Variants in GNA12 observed in about 807,000 individuals in gnomAD.
GNA12 encodes the protein G protein subunit alpha 12.
A neutral mutation model predicts 26.0 loss-of-function variants in GNA12; 9 were observed. The ratio of observed to expected loss-of-function variants is 0.35; its 90% CI spans 0.21 to 0.60. The LOEUF (loss-of-function observed/expected upper bound fraction) is 0.60. Ranked by LOEUF, GNA12 falls within the 20% of genes least tolerant of loss-of-function variation. The pLI is 0.78. For synonymous variants in GNA12, 264 were observed against 219.6 expected (o/e 1.20, Z -1.79); for missense variants, 405 against 525.8 (o/e 0.77, Z 2.25).
At chr7:2,761,219 C>T (rs1030362530) in intron 2 of GNA12, among the ~76,000 whole-genome samples, 3 of 152,282 alleles carry the variant, frequency 2.0e-5, no homozygotes, top group South Asian at 2.1e-4. Flanking sequence ...ACAGCAGCCC[C>T]GGCTCTGCTA....
chr7:2,752,923 G>C (rs1420423845), intron 2 of GNA12, among the ~76,000 whole-genome samples: 1 of 152,162 alleles, frequency 6.6e-6, no homozygotes, highest in Non-Finnish European at 1.5e-5. Context: ...CACCTGTCTA[G>C]ATTTGTGTAA....
intron 1 of GNA12, among the ~76,000 whole-genome samples, chr7:2,821,112 G>A (rs1300378335): frequency 6.6e-6 from 1 of 152,210 alleles, no homozygotes; most frequent in Non-Finnish European, 1.5e-5. Context: ...TGTTGTCTAG[G>A]TGAAAGATGC....
At chr7:2,808,497 C>T (rs1419349981) in intron 1 of GNA12, among the ~76,000 whole-genome samples, 1 of 152,166 alleles carries the variant, frequency 6.6e-6, no homozygotes, top group East Asian at 1.9e-4. Flanking sequence ...ATCCTGTGGG[C>T]CTGAATTTGG....
intron 2 of GNA12, among the ~76,000 whole-genome samples, chr7:2,745,145 T>C (rs992992404): frequency 6.6e-6 from 1 of 152,096 alleles, no homozygotes; most frequent in Non-Finnish European, 1.5e-5. Flanking sequence ...CAGGCCAACA[T>C]TCAAAATCAG....
intron 2 of GNA12, chr7:2,764,851 G>A (rs1177508082): frequency 2.0e-5 from 3 of 152,158 alleles, no homozygotes; most frequent in Admixed American, 6.5e-5. Flanking sequence ...GCGCCGCCTC[G>A]TCCTCTTAGT....
rs1197007962 is a variant in GNA12 at position 2,844,207 on chromosome 7, G to A, written c.-46C>T. The A allele has an allele frequency of 1.8e-5, 17 of 925,726 alleles. No individual in the cohort carries two copies. Among genetic ancestry groups the A allele is most frequent in the Non-Finnish European group, 2.1e-5 (16 of 777,746 alleles). 57.3% of individuals were successfully genotyped at this position (925,726 alleles called of 1,614,324 possible). A position where few individuals can be genotyped will look rare whatever the true frequency, so the allele number is the denominator to read the frequency against. Reference sequence around the variant, plus strand: ...CGCCCCGCCGGCGCCCGGGGGCCATGGACGCTCCCGCCGGCGAGGGCGAGC... The same window carrying A: ...CGCCCCGCCGGCGCCCGGGGGCCATAGACGCTCCCGCCGGCGAGGGCGAGC... On this transcript the variant is annotated 5_prime_UTR_variant, in exon 1 of 4. Transcript: ENST00000275364.
At chr7:2,767,668 G>T (rs1005194738) in intron 2 of GNA12, among the ~76,000 whole-genome samples, 1 of 152,036 alleles carries the variant, frequency 6.6e-6, no homozygotes, top group African/African-American at 2.4e-5. Flanking sequence ...CATTTGTATT[G>T]TAACTCCTAA....
intron 1 of GNA12, among the ~76,000 whole-genome samples, chr7:2,841,104 T>C (rs1583321837): frequency 6.6e-6 from 1 of 152,210 alleles, no homozygotes; most frequent in South Asian, 2.1e-4. Context: ...GATAAGAAAG[T>C]CAGTGGAAGT....
At chr7:2,737,665 C>G (rs776927375) in intron 2 of GNA12, among the ~76,000 whole-genome samples, 6 of 152,164 alleles carry the variant, frequency 3.9e-5, no homozygotes, top group Non-Finnish European at 7.3e-5. Context: ...TGACCGAAAA[C>G]AGGGCTTGTT....
rs1023645242 is a variant in GNA12, at chr7:2,815,082, C to G, written c.310-19939G>C. ...ACTGTGGCAGGCTCCGAGGACACAA[C>G]AGAGAACCAGACAGACAAGGCCTTG... On this transcript the variant is annotated intron_variant, in intron 1 of 3. Transcript: ENST00000275364. The G allele has an allele frequency of 2.3e-6, 3 of 1,300,308 alleles. No individual in the cohort carries two copies. In the African/African-American group the frequency reaches 4.4e-5, roughly 19 times the overall value. The allele number at this position is 1,300,308 out of a possible 1,614,324, so 80.5% of individuals were successfully genotyped here.
intron 2 of GNA12, among the ~76,000 whole-genome samples, chr7:2,741,061 C>G (rs1790475277): frequency 6.6e-6 from 1 of 151,772 alleles, no homozygotes; most frequent in Admixed American, 6.6e-5. Context: ...AACAAACAAA[C>G]AAACAAACAA....
At chr7:2,762,424 G>A (rs547683181) in intron 2 of GNA12, 1 of 486,612 alleles carries the variant, frequency 2.1e-6, no homozygotes, top group South Asian at 4.2e-5. Context: ...ACGTTAACTT[G>A]GCCAAGGGCA....
intron 2 of GNA12, among the ~76,000 whole-genome samples, chr7:2,784,873 C>G (rs974399016): frequency 1.2e-4 from 19 of 152,170 alleles, no homozygotes; most frequent in Admixed American, 6.5e-5. Flanking sequence ...TTTATGTATT[C>G]AAATCCATCA....
chr7:2,761,177 C>T (rs577275763), intron 2 of GNA12, among the ~76,000 whole-genome samples: 77 of 152,340 alleles, frequency 5.1e-4, no homozygotes, highest in Non-Finnish European at 9.3e-4. Flanking sequence ...ACCGAGCCAC[C>T]GTGCACGGCA....
At chr7:2,759,116 G>T (rs563585976) in intron 2 of GNA12, among the ~76,000 whole-genome samples, 1 of 148,578 alleles carries the variant, frequency 6.7e-6, no homozygotes, top group South Asian at 2.1e-4. Flanking sequence ...CTCAGCCCTG[G>T]GCCACAGAGC....
intron 1 of GNA12, among the ~76,000 whole-genome samples, chr7:2,833,606 T>C (rs1474156719): frequency 6.6e-6 from 1 of 152,232 alleles, no homozygotes; most frequent in Non-Finnish European, 1.5e-5. Context: ...TGGACTTAGT[T>C]AGCTGACGGA....
At chr7:2,745,860 G>A (rs1306106183) in intron 2 of GNA12, among the ~76,000 whole-genome samples, 1 of 152,014 alleles carries the variant, frequency 6.6e-6, no homozygotes, top group Non-Finnish European at 1.5e-5. Flanking sequence ...AAAACGCAGG[G>A]GTTGCAATCC....
At chr7:2,771,694 C>G (rs540918153) in intron 2 of GNA12, among the ~76,000 whole-genome samples, 169 of 152,274 alleles carry the variant, frequency 1.1e-3, no homozygotes, top group African/African-American at 3.8e-3. Flanking sequence ...GTTCATCCAT[C>G]TGCTTGTTGA....
intron 2 of GNA12, among the ~76,000 whole-genome samples, chr7:2,791,534 C>G (rs943154193): frequency 1.3e-5 from 2 of 152,110 alleles, no homozygotes; most frequent in Admixed American, 6.5e-5. Context: ...AAAAGCAAGA[C>G]GGCAGAGGGA....
Sources: gnomAD v4.1 joint callset for allele counts (sites outside exome capture counted in the v4.1 genomes callset) on GRCh38, gnomAD v4.1.1 for gene constraint, MANE v1.5 for transcripts, NCBI Gene and HGNC (gene_info 2026-07-23, HGNC 2026-07-21) for gene names.